The following NEGR1 variants were observed in gnomAD, a reference collection of about 807,000 sequenced individuals.
NEGR1 encodes IgLON family member 4.
NEGR1 carries 10 observed loss-of-function variants against 40.9 expected under a neutral mutation model. That is an observed-to-expected ratio of 0.24 (90% CI 0.15 to 0.42). The LOEUF (loss-of-function observed/expected upper bound fraction) is 0.42. Among genes scored for constraint, NEGR1 ranks in the 10% least tolerant of loss-of-function variants. The pLI is 1.00. For synonymous variants in NEGR1, 185 were observed against 166.8 expected (o/e 1.11, Z -0.84); for missense variants, 352 against 438.9 (o/e 0.80, Z 1.77).
chr1:72,160,778 C>A (rs568442550), intron 1 of NEGR1, among the ~76,000 whole-genome samples: 1 of 152,144 alleles, frequency 6.6e-6, no homozygotes, highest in Admixed American at 6.6e-5. Context: ...CCTTTTGAGG[C>A]TAGAATTTAA....
intron 6 of NEGR1, among the ~76,000 whole-genome samples, chr1:71,429,829 T>C (rs933883266): frequency 6.6e-6 from 1 of 152,242 alleles, no homozygotes; most frequent in Non-Finnish European, 1.5e-5. Context: ...ATTTAAGAGA[T>C]GTATTTTGTT....
chr1:72,183,520 T>C (rs1215969834), intron 1 of NEGR1, among the ~76,000 whole-genome samples: 3 of 152,124 alleles, frequency 2.0e-5, no homozygotes, highest in Non-Finnish European at 4.4e-5. Flanking sequence ...ATCTTTCTTG[T>C]TTCCCCTATA....
intron 1 of NEGR1, among the ~76,000 whole-genome samples, chr1:72,117,731 T>C (rs767355231): frequency 8.6e-5 from 13 of 151,804 alleles, no homozygotes; most frequent in Non-Finnish European, 1.5e-4. Flanking sequence ...TTTTGGTTTG[T>C]AGGCAGAATG....
intron 3 of NEGR1, among the ~76,000 whole-genome samples, chr1:71,757,028 C>T (rs577756569): frequency 6.6e-6 from 1 of 151,950 alleles, no homozygotes; most frequent in African/African-American, 2.4e-5. Context: ...TGAAACAGAG[C>T]CTTAGACAAA....
At chr1:71,759,633 G>A (rs1326401712) in intron 3 of NEGR1, among the ~76,000 whole-genome samples, 94 of 32,546 alleles carry the variant, frequency 2.9e-3, no homozygotes, top group East Asian at 0.011. Flanking sequence ...TTTTTGAGAC[G>A]GAGTCCCACT....
At chr1:72,229,887 G>A (rs1654306297) in intron 1 of NEGR1, among the ~76,000 whole-genome samples, 1 of 152,044 alleles carries the variant, frequency 6.6e-6, no homozygotes, top group Non-Finnish European at 1.5e-5. Flanking sequence ...ACAGTGCAAT[G>A]TATAATTTTT....
chr1:71,726,011 T>G (rs1315000161), intron 3 of NEGR1, among the ~76,000 whole-genome samples: 1 of 152,184 alleles, frequency 6.6e-6, no homozygotes, highest in Non-Finnish European at 1.5e-5. Flanking sequence ...GAAAAATTTA[T>G]CAAAGATAAC....
At chr1:71,692,357 G>A (rs574359371) in intron 4 of NEGR1, among the ~76,000 whole-genome samples, 1 of 151,682 alleles carries the variant, frequency 6.6e-6, no homozygotes, top group African/African-American at 2.4e-5. Context: ...TGAAGTAAAT[G>A]AAAAGTAAAG....
chr1:71,683,209 T>C (rs1027292857), intron 4 of NEGR1, among the ~76,000 whole-genome samples: 1 of 152,108 alleles, frequency 6.6e-6, no homozygotes, highest in African/African-American at 2.4e-5. Flanking sequence ...ATGTATCTCT[T>C]GTTCATTCTT....
chr1:71,494,529 T>C (rs1646949366), intron 6 of NEGR1, among the ~76,000 whole-genome samples: 3 of 152,298 alleles, frequency 2.0e-5, no homozygotes, highest in East Asian at 1.9e-4. Flanking sequence ...TCCCCTGTAA[T>C]AACCCATGAC....
At chr1:72,130,678 A>C (rs1650212005) in intron 1 of NEGR1, among the ~76,000 whole-genome samples, 1 of 151,964 alleles carries the variant, frequency 6.6e-6, no homozygotes, top group African/African-American at 2.4e-5. Flanking sequence ...AGTCTCCATT[A>C]CCTCTGAGAC....
chr1:71,717,754 C>G (rs751080620), intron 3 of NEGR1, among the ~76,000 whole-genome samples: 2 of 152,036 alleles, frequency 1.3e-5, no homozygotes, highest in Non-Finnish European at 2.9e-5. Flanking sequence ...CTGGTAGGGT[C>G]CTTAAAAAGG....
chr1:72,066,385 TCTC>T (rs1289768289), intron 1 of NEGR1, among the ~76,000 whole-genome samples: 1 of 152,136 alleles, frequency 6.6e-6, no homozygotes, highest in Non-Finnish European at 1.5e-5. Flanking sequence ...ACAGAATTAG[TCTC>T]CTACTTCTAG....
intron 1 of NEGR1, among the ~76,000 whole-genome samples, chr1:71,992,041 C>T (rs1468999685): frequency 2.0e-5 from 3 of 152,064 alleles, no homozygotes; most frequent in African/African-American, 7.2e-5. Flanking sequence ...GCAATCTGCC[C>T]TCCTTGGCCT....
intron 4 of NEGR1, among the ~76,000 whole-genome samples, chr1:71,652,517 A>G (rs1651750710): frequency 6.6e-6 from 1 of 152,168 alleles, no homozygotes; most frequent in Non-Finnish European, 1.5e-5. Context: ...ATTAGCATTG[A>G]GTAGTTACTA....
chr1:71,862,039 G>T (rs1409413438), intron 2 of NEGR1, among the ~76,000 whole-genome samples: 3 of 152,174 alleles, frequency 2.0e-5, no homozygotes, highest in East Asian at 1.9e-4. Flanking sequence ...ATGTGTTAGA[G>T]AATTTGTTTA....
chr1:72,123,445 A>G (rs1404413269), intron 1 of NEGR1, among the ~76,000 whole-genome samples: 2 of 151,912 alleles, frequency 1.3e-5, no homozygotes, highest in Non-Finnish European at 2.9e-5. Flanking sequence ...TTCCAGGATC[A>G]TAATGATGAG....
intron 4 of NEGR1, among the ~76,000 whole-genome samples, chr1:71,673,559 A>G (rs1652508178): frequency 6.6e-6 from 1 of 152,068 alleles, no homozygotes; most frequent in African/African-American, 2.4e-5. Context: ...CATGAATATC[A>G]GTTCCCTCAA....
chr1:72,205,756 C>CAAAAAAAAAAA (rs35490878), intron 1 of NEGR1, among the ~76,000 whole-genome samples: 5 of 30,892 alleles, frequency 1.6e-4, no homozygotes, highest in Middle Eastern at 0.021. Flanking sequence ...CCCATTTCTA[C>CAAAAAAAAAAA]AAAAAAAAAA....
Sources: allele counts gnomAD v4.1 joint callset (sites outside exome capture counted in the v4.1 genomes callset), GRCh38; gene constraint gnomAD v4.1.1; transcripts MANE v1.5; gene names NCBI Gene and HGNC (gene_info 2026-07-23, HGNC 2026-07-21).